Variants in CTNNA2 observed in about 807,000 individuals in gnomAD.
CTNNA2 encodes catenin alpha-2.
A neutral mutation model predicts 101.0 loss-of-function variants in CTNNA2; 42 were observed. That is an observed-to-expected ratio of 0.42 (90% CI 0.32 to 0.54). The LOEUF (loss-of-function observed/expected upper bound fraction) is 0.54, where lower values mean the gene tolerates loss of function less well. Among genes scored for constraint, CTNNA2 ranks in the 20% least tolerant of loss-of-function variants. The pLI is 0.14. For missense variants in CTNNA2, 871 were observed against 1,223.1 expected, an observed-to-expected ratio of 0.71 and a Z score of 4.29; for synonymous variants, 450 against 456.4, an observed-to-expected ratio of 0.99 and a Z score of 0.18.
chr2:80,164,937 T>TG (rs200790298), intron 7 of CTNNA2, among the ~76,000 whole-genome samples: 5 of 139,948 alleles, frequency 3.6e-5, no homozygotes, highest in South Asian at 4.7e-4. Context: ...TCCCAACTTT[T>TG]GGTTTTTTTT....
chr2:80,307,057 A>T, intron 7 of CTNNA2, among the ~76,000 whole-genome samples: 1 of 148,326 alleles, frequency 6.7e-6, no homozygotes, highest in African/African-American at 2.4e-5. Flanking sequence ...ATATATATAT[A>T]TTATATATAA....
chr2:79,589,045 G>C (rs1346244175), intron 1 of CTNNA2, among the ~76,000 whole-genome samples: 4 of 152,144 alleles, frequency 2.6e-5, no homozygotes, highest in Non-Finnish European at 5.9e-5. Flanking sequence ...ATAACTGAAG[G>C]GCAATGGTGT....
intron 3 of CTNNA2, among the ~76,000 whole-genome samples, chr2:79,783,483 T>A (rs189051590): frequency 6.6e-6 from 1 of 152,200 alleles, no homozygotes; most frequent in Non-Finnish European, 1.5e-5. Flanking sequence ...TTCTCTGGAC[T>A]TCTTTTATTC....
At chr2:79,290,228 T>C (rs1391151147) in intron 2 of CTNNA2, among the ~76,000 whole-genome samples, 1 of 152,188 alleles carries the variant, frequency 6.6e-6, no homozygotes, top group Non-Finnish European at 1.5e-5. Context: ...TAGTACCATT[T>C]ATCACTGTTA....
At chr2:80,497,627 C>T (rs550052052) in intron 9 of CTNNA2, among the ~76,000 whole-genome samples, 1 of 152,230 alleles carries the variant, frequency 6.6e-6, no homozygotes, top group East Asian at 1.9e-4. Flanking sequence ...TTGGTGTTGG[C>T]AGGACTCATG....
intron 9 of CTNNA2, among the ~76,000 whole-genome samples, chr2:80,523,320 T>C (rs961592300): frequency 6.6e-6 from 1 of 152,020 alleles, no homozygotes; most frequent in East Asian, 1.9e-4. Flanking sequence ...TCCCGGTGCA[T>C]GGAGAGAGGC....
intron 7 of CTNNA2, among the ~76,000 whole-genome samples, chr2:79,994,507 C>A (rs145647737): frequency 7.3e-4 from 111 of 152,160 alleles, no homozygotes; most frequent in African/African-American, 2.4e-3. Flanking sequence ...GGCTAGCTCA[C>A]CTTCCAGACA....
chr2:80,555,957 A>C (rs964318269), intron 12 of CTNNA2, 64 bp downstream of exon 12: 17 of 1,141,888 alleles, frequency 1.5e-5, no homozygotes, highest in Non-Finnish European at 1.7e-5. Flanking sequence ...TAACTGAATA[A>C]ATCTGTTTCA....
chr2:80,546,131 C>T (rs1692039494), intron 11 of CTNNA2, 68 bp downstream of exon 11: 5 of 1,563,730 alleles, frequency 3.2e-6, no homozygotes, highest in Admixed American at 1.8e-5. Context: ...TAAGGAATGT[C>T]TCGCAAATGT....
intron 2 of CTNNA2, among the ~76,000 whole-genome samples, chr2:79,271,921 G>A (rs1675093897): frequency 6.6e-6 from 1 of 151,864 alleles, no homozygotes; most frequent in African/African-American, 2.4e-5. Flanking sequence ...GCCCTTATCG[G>A]CCTAGATCAT....
At chr2:79,835,666 G>GTTTTTTGTTTTTTTTTTTTT (rs1679276639) in intron 3 of CTNNA2, among the ~76,000 whole-genome samples, 5 of 58,634 alleles carry the variant, frequency 8.5e-5, no homozygotes, top group African/African-American at 3.7e-4. Flanking sequence ...GCCTCTCTTT[G>GTTTTTTGTTTTTTTTTTTTT]TTTTTTTTTT....
chr2:79,674,217 A>G (rs907773878), intron 2 of CTNNA2, among the ~76,000 whole-genome samples: 6 of 152,178 alleles, frequency 3.9e-5, no homozygotes, highest in Non-Finnish European at 7.3e-5. Flanking sequence ...TGAGGTTGTG[A>G]ATGTCAGTGG....
intron 7 of CTNNA2, among the ~76,000 whole-genome samples, chr2:80,297,568 C>T (rs1361470046): frequency 6.6e-6 from 1 of 152,098 alleles, no homozygotes; most frequent in Non-Finnish European, 1.5e-5. Context: ...AAATTGTGTC[C>T]AGTTGAGCAA....
intron 4 of CTNNA2, among the ~76,000 whole-genome samples, chr2:79,420,465 C>A (rs910333790): frequency 2.0e-5 from 3 of 152,144 alleles, no homozygotes; most frequent in African/African-American, 7.2e-5. Flanking sequence ...TAAAGGCAGG[C>A]TAAACTGCCT....
At chr2:79,434,758 G>A (rs375368495) in intron 4 of CTNNA2, among the ~76,000 whole-genome samples, 2 of 152,290 alleles carry the variant, frequency 1.3e-5, no homozygotes, top group African/African-American at 4.8e-5. Context: ...CCAGAAGGGA[G>A]ATGAGTGAGA....
At chr2:80,260,848 G>T (rs565539715) in intron 7 of CTNNA2, among the ~76,000 whole-genome samples, 7 of 152,310 alleles carry the variant, frequency 4.6e-5, no homozygotes, top group African/African-American at 1.7e-4. Flanking sequence ...ATTTGAGGAT[G>T]TATTCTTTGA....
chr2:79,356,509 A>G (rs960033141), intron 3 of CTNNA2, among the ~76,000 whole-genome samples: 1 of 152,236 alleles, frequency 6.6e-6, no homozygotes, highest in African/African-American at 2.4e-5. Context: ...TGAGATGCCA[A>G]GAAAACAGTG....
intron 4 of CTNNA2, among the ~76,000 whole-genome samples, chr2:79,496,788 G>A (rs1348349906): frequency 6.6e-6 from 1 of 151,584 alleles, no homozygotes; most frequent in African/African-American, 2.4e-5. Context: ...TATTAAAATG[G>A]TTCAAGTTCT....
In CTNNA2 at chr2:79,537,206, C is replaced by T. The variant is rs944739854; in HGVS notation, c.-6+23999C>T. 1.5e-4 allele frequency among the ~76,000 whole-genome samples: 23 copies of T among 152,286 alleles called. No homozygotes were observed. The East Asian group carries it at 4.1e-3, about 27-fold the overall frequency. On this transcript the variant is annotated intron_variant, in intron 1 of 18. Coordinates refer to ENST00000402739, the MANE Select transcript of CTNNA2 (RefSeq NM_001282597.3). ...TGACTGATTTGACCTGCCTGATCCA[C>T]CAGTCTGCCTTGTTATGTAATGACC... is the stretch of plus-strand genomic sequence containing the variant.
Sources: allele counts gnomAD v4.1 joint callset (sites outside exome capture counted in the v4.1 genomes callset), GRCh38; gene constraint gnomAD v4.1.1; transcripts MANE v1.5; gene names NCBI Gene and HGNC (gene_info 2026-07-23, HGNC 2026-07-21).